The following VWA5B2 variants were observed in gnomAD, a reference collection of about 807,000 sequenced individuals.
VWA5B2 encodes von Willebrand factor A domain-containing protein 5B2.
A neutral mutation model predicts 118.5 loss-of-function variants in VWA5B2; 93 were observed. The observed-to-expected ratio is 0.79, with a 90% confidence interval of 0.66 to 0.93. The LOEUF is 0.93. VWA5B2 is among the 40% of genes least tolerant of loss of function. The pLI, the probability that VWA5B2 is intolerant of heterozygous loss-of-function variation, is 0.00. For missense variants in VWA5B2, 1,546 were observed against 1,672.8 expected, an observed-to-expected ratio of 0.92 and a Z score of 1.32; for synonymous variants, 708 against 716.3, an observed-to-expected ratio of 0.99 and a Z score of 0.19.
rs1577092042 is a variant in VWA5B2, at chr3:184,237,779, G to A, written c.1719+368G>A. Among the ~76,000 whole-genome samples, 1 of 152,220 alleles carries A rather than the reference G, an allele frequency of 6.6e-6. No homozygotes were observed. The highest frequency in any genetic ancestry group is 2.4e-5 in the African/African-American group (1 of 41,456). On this transcript the variant is annotated intron_variant, in intron 12 of 19. Transcript: ENST00000691901. This position sits in a 1 kb window ranked among gnomAD's most constrained non-coding sequence, Gnocchi z 5.6. ...AAGCACCAGCCAGCGTATTTTCTGG[G>A]ACACGCAGTGATGGATGAGCATAAC...
rs1396495200 is a variant in VWA5B2, at chr3:184,236,359, T to C, written c.1229T>C (p.Ile410Thr). Residue 410 changes from isoleucine to threonine, a missense_variant, in exon 10 of 20, where the codon ATC becomes ACC. Physicochemically the swap from Ile to Thr is moderately conservative, Grantham distance 89. Transcript: ENST00000691901. ...TCGCTCCAGGATGCTGTGCAGCTGA[T>C]CTGCGAGAGCATTGAGACCCTGCAG... ...RPCSDDAVQL[I>T]CESIETLQVP... 1.9e-6 allele frequency: 3 copies of C among 1,547,312 alleles called. No individual in the cohort carries two copies. In the South Asian group the frequency reaches 3.6e-5, roughly 18 times the overall value.
intron 7 of VWA5B2, 151 bp downstream of exon 7, chr3:184,234,906 G>A (rs2108423063): frequency 7.9e-7 from 1 of 1,268,190 alleles, no homozygotes; most frequent in Non-Finnish European, 1.1e-6. Context: ...ACAGAGGACA[G>A]ATGAGTATTG....
At chr3:184,235,982 A>G (rs1717940161) in intron 8 of VWA5B2, among the ~76,000 whole-genome samples, 170 bp from the exon 9 acceptor site, 1 of 152,218 alleles carries the variant, frequency 6.6e-6, no homozygotes, top group African/African-American at 2.4e-5. Context: ...AGTCTCTCAC[A>G]CACACTTGGG....
rs1204705131 is a variant in VWA5B2 at position 184,236,323 on chromosome 3, C to T, written c.1213-20C>T. On this transcript the variant is annotated intron_variant, in intron 9 of 19. Transcript: ENST00000691901. ...GAGGTTTCAGCCCAGTGCGTCCCAGCCTGTGCCTTCTCGCTCCAGGATGCT... is the reference window on the plus strand; with the variant it reads ...GAGGTTTCAGCCCAGTGCGTCCCAGTCTGTGCCTTCTCGCTCCAGGATGCT... 2.6e-6 allele frequency: 4 copies of T among 1,549,396 alleles called. No homozygotes were observed. Among genetic ancestry groups the T allele is most frequent in the South Asian group, 1.2e-5 (1 of 84,036 alleles).
rs1423491652 is a variant in VWA5B2, at chr3:184,242,282, TAG to T, written c.*249_*250del. The T allele has an allele frequency of 4.1e-6, 3 of 739,694 alleles. No homozygotes were observed. Among genetic ancestry groups the T allele is most frequent in the Non-Finnish European group, 6.9e-6 (3 of 435,276 alleles). The allele number at this position is 739,694 out of a possible 1,614,324, so 45.8% of individuals were successfully genotyped here. ...AGCTCCCTGCAACACAGTGGAAGGG[TAG>T]AGAGCCACAGTCCCCAAATCCTATG... On this transcript the variant is annotated 3_prime_UTR_variant, in exon 20 of 20. Coordinates refer to ENST00000691901, the MANE Select transcript of VWA5B2 (RefSeq NM_001390846.1).
chr3:184,241,743 G>A lies in VWA5B2; in HGVS notation c.3434G>A (p.Gly1145Asp), dbSNP rs1718704058. The A allele has an allele frequency of 2.7e-6, 4 of 1,486,452 alleles. No individual in the cohort carries two copies. The highest frequency in any genetic ancestry group is 2.7e-6 in the Non-Finnish European group (3 of 1,121,218). 92.1% of individuals were successfully genotyped at this position (1,486,452 alleles called of 1,614,324 possible). ...EGPGQVDSGR[G>D]SDTEASEGAE... ...CCAGGCCAGGTGGACAGTGGGCGGG[G>A]CTCAGACACCGAGGCCTCCGAGGGG... Residue 1145 changes from glycine (G) to aspartate (D), a missense_variant, in exon 20 of 20, where the codon GGC (glycine) becomes GAC (aspartate). Transcript: ENST00000691901. The surrounding 1 kb of genome is among the most constrained non-coding windows in gnomAD (Gnocchi z 5.1).
In VWA5B2 at chr3:184,236,228, A is replaced by C. The variant is rs962672697; in HGVS notation, c.1178A>C (p.Gln393Pro). 2 of 1,551,662 alleles carry C rather than the reference A, an allele frequency of 1.3e-6. No homozygotes were observed. The highest frequency in any genetic ancestry group is 2.7e-5 in the African/African-American group (2 of 73,064). ...CTGGCCGTGTTTGGGACGTTGGTGC[A>C]GCCACTCTTCCCAGAGAGCCGGCCT... The part of the protein sequence containing the change: ...INLAVFGTLV[Q>P]PLFPESRPCS... Residue 393 changes from glutamine (Q) to proline (P), a missense_variant, in exon 9 of 20, where the codon CAG becomes CCG. Coordinates refer to ENST00000691901, the MANE Select transcript of VWA5B2 (RefSeq NM_001390846.1).
Position 184,236,499 on chromosome 3 carries a change from G to A in VWA5B2, c.1369G>A (p.Ala457Thr), listed in dbSNP as rs1361838061. Reference sequence around the variant, plus strand: ...GCTCACTGCTGCCTCACCCATGGCCGCCACTACCCACCGAACCCTGGAGCT... The same window carrying A: ...GCTCACTGCTGCCTCACCCATGGCCACCACTACCCACCGAACCCTGGAGCT... ...FLLTAASPMA[A>T]TTHRTLELMR... The change falls in exon 10 of 20, where the codon GCC becomes ACC. Residue 457 changes from alanine (A) to threonine (T), a missense_variant. Physicochemically the swap from Ala to Thr is moderately conservative, Grantham distance 58. Transcript: ENST00000691901. The A allele has an allele frequency of 7.8e-6, 12 of 1,547,896 alleles. No individual in the cohort carries two copies. The highest frequency in any genetic ancestry group is 1.0e-5 in the Non-Finnish European group (12 of 1,146,978).
In VWA5B2 at chr3:184,235,307, A is replaced by G. The variant is rs1281693225; in HGVS notation, c.1100A>G (p.Lys367Arg). Residue 367 changes from lysine (K) to arginine (R), a missense_variant and splice_region_variant, in exon 8 of 20, where the codon AAG becomes AGG. By Grantham distance (26) the Lys-to-Arg change is conservative. Around this residue, in one of 3 missense-constraint regions of VWA5B2, gnomAD observed 775 missense variants for 882.3 expected, o/e 0.88. Coordinates refer to ENST00000691901, the MANE Select transcript of VWA5B2 (RefSeq NM_001390846.1). Reference sequence around the variant, plus strand: ...TTGGATAGCAGCAGCGTGGCACACAAGGCCCGTGGGGGTGTGGTGTGGGCA... The same window carrying G: ...TTGGATAGCAGCAGCGTGGCACACAGGGCCCGTGGGGGTGTGGTGTGGGCA... ...FLLDSSSVAH[K>R]DAIVLAVKSL... 1.3e-6 allele frequency: 2 copies of G among 1,550,834 alleles called. No individual in the cohort carries two copies. Among genetic ancestry groups the G allele is most frequent in the Non-Finnish European group, 1.7e-6 (2 of 1,146,582 alleles).
Position 184,238,976 on chromosome 3 carries a change from G to C in VWA5B2, c.2202+103G>C, listed in dbSNP as rs1718284320. On this transcript the variant is annotated intron_variant, in intron 14 of 19. Coordinates refer to ENST00000691901, the MANE Select transcript of VWA5B2 (RefSeq NM_001390846.1). The surrounding 1 kb of genome is among the most constrained non-coding windows in gnomAD (Gnocchi z 5.0). ...TAGAGTTTACTATTAAGTCTAGCTAGAGAGAAAGGTGGGTAAATCCCCAAC... is the reference window on the plus strand; with the variant it reads ...TAGAGTTTACTATTAAGTCTAGCTACAGAGAAAGGTGGGTAAATCCCCAAC... The C allele has an allele frequency of 3.2e-5, 40 of 1,262,424 alleles. No individual in the cohort carries two copies. The South Asian group carries it at 6.6e-4, about 21-fold the overall frequency. 78.2% of individuals were successfully genotyped at this position (1,262,424 alleles called of 1,614,324 possible).
At chr3:184,234,540 G>A in intron 6 of VWA5B2, 91 bp from the exon 7 acceptor site, 1 of 1,521,364 alleles carries the variant, frequency 6.6e-7, no homozygotes, top group Non-Finnish European at 8.9e-7. Flanking sequence ...CAGGAAGGCT[G>A]GACCTGCAGG....
At position 184,233,642 on chromosome 3, in the gene VWA5B2, C is replaced by A. The variant is rs1001564900; in HGVS notation, c.597C>A (p.Ala199=). 4 of 1,551,176 alleles carry A rather than the reference C, an allele frequency of 2.6e-6. No homozygotes were observed. The highest frequency in any genetic ancestry group is 2.7e-5 in the African/African-American group (2 of 73,046). ...EEGLAWEELA[A]PRDVFSGPAR... ...GGCTGGCCTGGGAGGAGCTGGCTGC[C>A]CCTCGGGACGTGTTCTCAGGCCCTG... Residue 199 remains alanine, a synonymous_variant, in exon 5 of 20, where the codon GCC becomes GCA. Transcript: ENST00000691901. This position sits in a 1 kb window ranked among gnomAD's most constrained non-coding sequence, Gnocchi z 5.2.
chr3:184,241,174 A>T lies in VWA5B2; in HGVS notation c.2963-13A>T, dbSNP rs1328041158. ...TAGAGACCGCCCCCTGGCACTGATG[A>T]TCCCCACTGCAGGACTTCAGAGAGG... On this transcript the variant is annotated splice_polypyrimidine_tract_variant and intron_variant, in intron 18 of 19. Transcript: ENST00000691901. This position sits in a 1 kb window ranked among gnomAD's most constrained non-coding sequence, Gnocchi z 5.1. 6.4e-7 allele frequency: 1 copy of T among 1,550,916 alleles called. No individual in the cohort carries two copies. Among genetic ancestry groups the T allele is most frequent in the Non-Finnish European group, 8.7e-7 (1 of 1,146,612 alleles).
At chr3:184,235,028 AC>A in intron 7 of VWA5B2, 124 bp from the exon 8 acceptor site, 2 of 1,257,508 alleles carry the variant, frequency 1.6e-6, no homozygotes, top group Non-Finnish European at 2.2e-6. Flanking sequence ...TATTCGAATT[AC>A]TACAAAAAGA....
Position 184,235,242 on chromosome 3 carries a change from C to T in VWA5B2, c.1035C>T (p.Pro345=), listed in dbSNP as rs1560152687. The change falls in exon 8 of 20, where the codon CCC becomes CCT. Residue 345 remains proline (P), a synonymous_variant. Transcript: ENST00000691901. ...LSFCPDLSSK[P]GHLGTATREL... Reference sequence around the variant, plus strand: ...TCTGCCCAGACCTGAGCTCCAAGCCCGGACACCTGGGGACAGCTACTCGGG... The same window carrying T: ...TCTGCCCAGACCTGAGCTCCAAGCCTGGACACCTGGGGACAGCTACTCGGG... 11 of 1,551,538 alleles carry T rather than the reference C, an allele frequency of 7.1e-6. No individual in the cohort carries two copies. The highest frequency in any genetic ancestry group is 2.0e-5 in the Admixed American group (1 of 50,982).
Position 184,241,415 on chromosome 3 carries a change from G to C in VWA5B2, c.3180+11G>C. 1 of 1,576,558 alleles carries C rather than the reference G, an allele frequency of 6.3e-7. No homozygotes were observed. Among genetic ancestry groups the C allele is most frequent in the Non-Finnish European group, 8.6e-7 (1 of 1,160,272 alleles). On this transcript the variant is annotated intron_variant, in intron 19 of 19. Transcript: ENST00000691901. The surrounding 1 kb of genome is among the most constrained non-coding windows in gnomAD (Gnocchi z 5.1). ...GACTACCTGCCCTTGGTGAGGACTCGGGAGGTGGAGGGTGGTGCCGCCGGG... is the reference window on the plus strand; with the variant it reads ...GACTACCTGCCCTTGGTGAGGACTCCGGAGGTGGAGGGTGGTGCCGCCGGG...
intron 6 of VWA5B2, 60 bp from the exon 7 acceptor site, chr3:184,234,571 T>C: frequency 1.3e-6 from 2 of 1,537,754 alleles, no homozygotes; most frequent in Non-Finnish European, 1.8e-6. Flanking sequence ...ACAGTGAAAC[T>C]GGGCACTTGG....
In VWA5B2 at chr3:184,236,250, G is replaced by A. The variant is rs1448918286; in HGVS notation, c.1200G>A (p.Arg400=). 3 of 1,551,784 alleles carry A rather than the reference G, an allele frequency of 1.9e-6. No individual in the cohort carries two copies. The highest frequency in any genetic ancestry group is 2.6e-6 in the Non-Finnish European group (3 of 1,147,004). The change falls in exon 9 of 20, where the codon CGG becomes CGA. Residue 400 remains arginine (R), a synonymous_variant. Transcript: ENST00000691901. ...TGCAGCCACTCTTCCCAGAGAGCCG[G>A]CCTTGCAGTGATGTGAGTGTGGTCC... is the stretch of plus-strand genomic sequence containing the variant. The part of the protein sequence containing the change: ...TLVQPLFPES[R]PCSDDAVQLI...
intron 7 of VWA5B2, 118 bp from the exon 8 acceptor site, chr3:184,235,032 CAAA>C: frequency 2.3e-6 from 3 of 1,286,992 alleles, no homozygotes; most frequent in Non-Finnish European, 3.2e-6. Context: ...CGAATTACTA[CAAA>C]AAGATGTCCC....
Sources: gnomAD v4.1 joint callset for allele counts (sites outside exome capture counted in the v4.1 genomes callset) on GRCh38, gnomAD v4.1.1 for gene constraint, gnomAD v4.1.1 regional missense constraint, Gnocchi (gnomAD v3.1) non-coding constraint, MANE v1.5 for transcripts, NCBI Gene and HGNC (gene_info 2026-07-23, HGNC 2026-07-21) for gene names.